IFT70A: variants seen among roughly 807,000 people sequenced by gnomAD.
IFT70A encodes intraflagellar transport 70A, also known as intraflagellar transport protein 70A.
chr2:177,618,492 C>A, the IFT70A span: 1 of 1,585,894 alleles, frequency 6.3e-7, no homozygotes, highest in Non-Finnish European at 8.6e-7. Context: ...GCTGGCCCAG[C>A]TGCTCATAGC....
the IFT70A span, chr2:177,618,314 G>A: frequency 6.9e-4 from 1,121 of 1,614,086 alleles, no homozygotes; most frequent in Admixed American, 1.1e-3. Context: ...CTGGACCCTG[G>A]CAGATCGCCC....
chr2:177,613,515 T>G, the IFT70A span: 1 of 152,116 alleles, frequency 6.6e-6, no homozygotes, highest in East Asian at 1.9e-4. Flanking sequence ...TTTGGAAAAT[T>G]TGGAAGAATT....
chr2:177,617,646 C>T, the IFT70A span: 1 of 1,614,222 alleles, frequency 6.2e-7, no homozygotes, highest in Non-Finnish European at 8.5e-7. Context: ...GTGTGAGGAA[C>T]TTATACGTCA....
chr2:177,618,685 C>T, the IFT70A span: 3 of 1,585,812 alleles, frequency 1.9e-6, no homozygotes, highest in Non-Finnish European at 2.6e-6. Context: ...GATCTGCGCG[C>T]CGCTCAGACC....
chr2:177,616,909 G>A, the IFT70A span: 11 of 1,596,194 alleles, frequency 6.9e-6, no homozygotes, highest in Middle Eastern at 3.4e-4. Flanking sequence ...CATGTGTTTT[G>A]ACATGTTTTC....
chr2:177,617,543 T>C, the IFT70A span: 3 of 1,614,252 alleles, frequency 1.9e-6, no homozygotes, highest in East Asian at 4.5e-5. Flanking sequence ...AGCTGCTCAG[T>C]CAGCATCCCT....
the IFT70A span, chr2:177,616,137 T>C: frequency 6.6e-6 from 1 of 152,220 alleles, no homozygotes; most frequent in Admixed American, 6.5e-5. Context: ...ATACTTGTAC[T>C]TCTAAAAGGG....
At chr2:177,614,119 A>C in the IFT70A span, 44 of 152,302 alleles carry the variant, frequency 2.9e-4, no homozygotes, top group African/African-American at 1.0e-3. Flanking sequence ...ATTTAATTAA[A>C]CAACCAAAAG....
chr2:177,618,467 C>T, the IFT70A span: 3 of 1,594,660 alleles, frequency 1.9e-6, no homozygotes, highest in African/African-American at 4.0e-5. Context: ...CGGTACTGCT[C>T]CAGTTCCGGG....
the IFT70A span, chr2:177,616,090 C>T: frequency 6.6e-6 from 1 of 152,184 alleles, no homozygotes; most frequent in Non-Finnish European, 1.5e-5. Context: ...GACCAAACCT[C>T]ATAACCTGAA....
At chr2:177,618,711 G>C in the IFT70A span, 2 of 1,537,276 alleles carry the variant, frequency 1.3e-6, no homozygotes, top group Non-Finnish European at 1.8e-6. Context: ...TAACCACCAC[G>C]GCTGTTATGC....
the IFT70A span, chr2:177,618,305 T>C: frequency 2.5e-6 from 4 of 1,614,152 alleles, no homozygotes; most frequent in Non-Finnish European, 2.5e-6. Context: ...ACCAGGCTCC[T>C]GGACCCTGGC....
chr2:177,617,021 C>T, the IFT70A span: 2 of 1,613,588 alleles, frequency 1.2e-6, no homozygotes, highest in Non-Finnish European at 1.7e-6. Flanking sequence ...ATACCAAACT[C>T]ATAGTTTCCT....
At chr2:177,616,990 A>C in the IFT70A span, 2 of 1,613,218 alleles carry the variant, frequency 1.2e-6, no homozygotes, top group Non-Finnish European at 1.7e-6. Context: ...ATAAGGCTCC[A>C]AGCTTTTGAT....
the IFT70A span, chr2:177,618,070 A>G: frequency 6.2e-7 from 1 of 1,614,190 alleles, no homozygotes; most frequent in Non-Finnish European, 8.5e-7. Flanking sequence ...AATCTCAGCG[A>G]TATGCTTCAG....
At chr2:177,617,817 T>C in the IFT70A span, 4 of 1,614,176 alleles carry the variant, frequency 2.5e-6, no homozygotes, top group Non-Finnish European at 3.4e-6. Context: ...CCATGTTCAT[T>C]AGTGCCTGGT....
chr2:177,615,713 T>C, the IFT70A span: 1 of 152,140 alleles, frequency 6.6e-6, no homozygotes, highest in Non-Finnish European at 1.5e-5. Context: ...ATGTGGCTTA[T>C]ACAGAATCGG....
the IFT70A span, chr2:177,618,162 T>G: frequency 6.8e-6 from 11 of 1,614,054 alleles, no homozygotes; most frequent in East Asian, 6.7e-5. Flanking sequence ...AGGCCTGCAG[T>G]GTGGCAGAAA....
At chr2:177,617,514 T>C in the IFT70A span, 2 of 1,614,256 alleles carry the variant, frequency 1.2e-6, no homozygotes, top group South Asian at 2.2e-5. Context: ...CTTCCTGTAC[T>C]TGCTTGGTGA....
Sources: allele counts gnomAD v4.1 joint callset, GRCh38; gene constraint gnomAD v4.1.1; transcripts MANE v1.5; gene names NCBI Gene and HGNC (gene_info 2026-07-23, HGNC 2026-07-21).